COL27A1: variants seen among roughly 807,000 people sequenced by gnomAD.
COL27A1 encodes collagen alpha-1(XXVII) chain.
In COL27A1, 106 loss-of-function variants were observed where a neutral mutation model predicts 251.3. The ratio of observed to expected loss-of-function variants is 0.42; its 90% CI spans 0.36 to 0.50. The LOEUF (loss-of-function observed/expected upper bound fraction) is 0.50. COL27A1 is among the 20% of genes least tolerant of loss of function. The pLI, the probability that COL27A1 is intolerant of heterozygous loss-of-function variation, is 0.00. For missense variants in COL27A1, 2,325 were observed against 2,522.8 expected, an observed-to-expected ratio of 0.92 and a Z score of 1.68; for synonymous variants, 1,000 against 986.3, an observed-to-expected ratio of 1.01 and a Z score of -0.26.
At chr9:114,255,371 G>A (rs1833853885) in intron 27 of COL27A1, among the ~76,000 whole-genome samples, 1 of 152,200 alleles carries the variant, frequency 6.6e-6, no homozygotes, top group Non-Finnish European at 1.5e-5. Flanking sequence ...GCCGAAGCCT[G>A]AGTACAAGGA....
intron 16 of COL27A1, among the ~76,000 whole-genome samples, chr9:114,233,752 G>A (rs1256180052): frequency 1.3e-5 from 2 of 152,114 alleles, no homozygotes; most frequent in Non-Finnish European, 2.9e-5. Flanking sequence ...GGGACATTTA[G>A]AGATGTGAAA....
At chr9:114,177,576 G>A (rs1444518913) in intron 3 of COL27A1, among the ~76,000 whole-genome samples, 1 of 152,300 alleles carries the variant, frequency 6.6e-6, no homozygotes, top group Middle Eastern at 3.4e-3. Context: ...ACCAGGCACC[G>A]TGTTAACATT....
chr9:114,168,882 C>T lies in COL27A1; in HGVS notation c.1327C>T (p.Leu443=). The change falls in exon 3 of 61, where the codon CTA becomes TTA. Residue 443 remains leucine (L), a synonymous_variant. Transcript: ENST00000356083. Reference sequence around the variant, plus strand: ...GCCCCCACCGCCCAGCACCCGGCCCCTACCTCCTACCACCAGCTCCTCTAA... The same window carrying T: ...GCCCCCACCGCCCAGCACCCGGCCCTTACCTCCTACCACCAGCTCCTCTAA... The part of the protein sequence containing the change: ...PRPPPPSTRP[L]PPTTSSSKKP... 1 of 1,614,032 alleles carries T rather than the reference C, an allele frequency of 6.2e-7. No individual in the cohort carries two copies. The highest frequency in any genetic ancestry group is 8.5e-7 in the Non-Finnish European group (1 of 1,179,998).
intron 19 of COL27A1, among the ~76,000 whole-genome samples, chr9:114,237,933 G>T (rs556596880): frequency 5.3e-5 from 8 of 152,340 alleles, no homozygotes; most frequent in African/African-American, 1.9e-4. Context: ...AGGGCCAAAA[G>T]GTGGCCTCAG....
chr9:114,190,404 G>A (rs1182740778), intron 5 of COL27A1, among the ~76,000 whole-genome samples: 3 of 152,110 alleles, frequency 2.0e-5, no homozygotes, highest in Non-Finnish European at 4.4e-5. Flanking sequence ...CCAAGTAGCT[G>A]GGACTACAGG....
chr9:114,156,290 G>T (rs1241988463), intron 1 of COL27A1, among the ~76,000 whole-genome samples: 1 of 150,364 alleles, frequency 6.7e-6, no homozygotes, highest in Non-Finnish European at 1.5e-5. Context: ...GGGGGTGGGT[G>T]GTGGCGCCTG....
intron 10 of COL27A1, among the ~76,000 whole-genome samples, chr9:114,207,718 C>T (rs1259790934): frequency 6.6e-6 from 1 of 152,212 alleles, no homozygotes; most frequent in African/African-American, 2.4e-5. Flanking sequence ...AGGCAGAGGG[C>T]AGGCTTTGGA....
chr9:114,156,101 C>A, intron 1 of COL27A1, 89 bp downstream of exon 1: 1 of 1,285,608 alleles, frequency 7.8e-7, no homozygotes, highest in Non-Finnish European at 9.9e-7. Context: ...GCGGTCGCTT[C>A]CAGCGGAACG....
intron 5 of COL27A1, among the ~76,000 whole-genome samples, chr9:114,188,093 G>A (rs970473502): frequency 6.6e-6 from 1 of 152,228 alleles, no homozygotes; most frequent in Non-Finnish European, 1.5e-5. Context: ...TATTGATGTG[G>A]CAGTACAGCT....
chr9:114,154,270 G>A (rs1162223951), upstream of COL27A1, among the ~76,000 whole-genome samples: 4 of 152,082 alleles, frequency 2.6e-5, no homozygotes, highest in Non-Finnish European at 5.9e-5. The surrounding 1 kb of genome is among the most constrained non-coding windows in gnomAD (Gnocchi z 5.8). Context: ...AGGGGACCTC[G>A]CCCCCCGCCC....
At chr9:114,257,922 A>T (rs546718021) in intron 27 of COL27A1, among the ~76,000 whole-genome samples, 1 of 152,288 alleles carries the variant, frequency 6.6e-6, no homozygotes, top group South Asian at 2.1e-4. Context: ...TGTAGTCTGG[A>T]TGCAGTGGCT....
intron 5 of COL27A1, among the ~76,000 whole-genome samples, chr9:114,193,224 G>C (rs1470240955): frequency 1.3e-5 from 2 of 152,174 alleles, no homozygotes; most frequent in African/African-American, 4.8e-5. Flanking sequence ...AGGTGACACA[G>C]GGTGGACTGA....
intron 34 of COL27A1, among the ~76,000 whole-genome samples, chr9:114,267,840 A>T (rs184856929): frequency 6.6e-6 from 1 of 152,326 alleles, no homozygotes; most frequent in East Asian, 1.9e-4. Context: ...GCTCGGTGCC[A>T]GTGCCCTTCA....
intron 54 of COL27A1, 42 bp downstream of exon 54, chr9:114,301,504 G>C (rs1176019314): frequency 6.3e-7 from 1 of 1,591,550 alleles, no homozygotes; most frequent in Non-Finnish European, 8.6e-7. Context: ...GGGGCGTGGG[G>C]CGGGCACCCT....
intron 10 of COL27A1, among the ~76,000 whole-genome samples, chr9:114,209,150 A>C (rs1158951048): frequency 6.6e-6 from 1 of 152,134 alleles, no homozygotes; most frequent in Non-Finnish European, 1.5e-5. Context: ...TGAGAGTCTA[A>C]TGTGGTAGCA....
At position 114,169,294 on chromosome 9, in the gene COL27A1, C is replaced by G; in HGVS notation, c.1739C>G (p.Pro580Arg). 1 of 1,612,856 alleles carries G rather than the reference C, an allele frequency of 6.2e-7. No individual in the cohort carries two copies. Reference sequence around the variant, plus strand: ...ACAACCAGGCCTAGCCCCAGACAGCCCCAGCCCAGTCAGCAGACCACCCCG... The same window carrying G: ...ACAACCAGGCCTAGCCCCAGACAGCGCCAGCCCAGTCAGCAGACCACCCCG... Reference protein sequence around the residue: ...DLTTRPSPRQPQPSQQTTPAL... With the variant: ...DLTTRPSPRQRQPSQQTTPAL... The change falls in exon 3 of 61, where the codon CCC becomes CGC. Residue 580 changes from proline (P) to arginine (R), a missense_variant. Physicochemically the swap from Pro to Arg is moderately radical, Grantham distance 103. Around this residue, in one of 4 missense-constraint regions of COL27A1, gnomAD observed 1,183 missense variants for 1,144.1 expected, o/e 1.03. Transcript: ENST00000356083.
At chr9:114,227,439 C>T (rs949335408) in intron 14 of COL27A1, among the ~76,000 whole-genome samples, 1 of 151,324 alleles carries the variant, frequency 6.6e-6, no homozygotes, top group East Asian at 1.9e-4. Context: ...GTTTATTGCT[C>T]GATCTCAGGC....
chr9:114,213,275 G>C (rs61063356), intron 12 of COL27A1, among the ~76,000 whole-genome samples: 2,012 of 152,198 alleles, frequency 0.013, 46 homozygotes, highest in African/African-American at 0.045. Context: ...CCATGCCTCA[G>C]TTTCCCCCTT....
At chr9:114,190,092 G>A (rs1054393283) in intron 5 of COL27A1, among the ~76,000 whole-genome samples, 7 of 152,148 alleles carry the variant, frequency 4.6e-5, no homozygotes, top group Non-Finnish European at 8.8e-5. Context: ...ACAGTTCTGG[G>A]GCAGGAGCCA....
Sources: allele counts gnomAD v4.1 joint callset (sites outside exome capture counted in the v4.1 genomes callset), GRCh38; gene constraint gnomAD v4.1.1; regional missense constraint gnomAD v4.1.1; non-coding constraint Gnocchi (gnomAD v3.1); transcripts MANE v1.5; gene names NCBI Gene and HGNC (gene_info 2026-07-23, HGNC 2026-07-21).